The following KRABD4 variants were observed in gnomAD, a reference collection of about 807,000 sequenced individuals.
The protein encoded by KRABD4 is KRAB domain containing 4.
the KRABD4 span, among the ~76,000 whole-genome samples, chrX:46,450,949 C>T: frequency 1.8e-5 from 2 of 110,572 alleles, no homozygotes; most frequent in African/African-American, 6.6e-5. Flanking sequence ...GTGATCCCCC[C>T]ACCTCGGCCT....
At chrX:46,462,604 T>C in the KRABD4 span, 1 of 1,050,265 alleles carries the variant, frequency 9.5e-7, no homozygotes, top group Non-Finnish European at 1.3e-6. Flanking sequence ...CCTGGGTTAG[T>C]TACTTAGGCT....
At chrX:46,457,628 T>G in the KRABD4 span, among the ~76,000 whole-genome samples, 2 of 108,111 alleles carry the variant, frequency 1.8e-5, no homozygotes, top group Non-Finnish European at 3.8e-5. Context: ...TCAGAGTTTT[T>G]TTTTTTTTTT....
the KRABD4 span, among the ~76,000 whole-genome samples, chrX:46,459,174 C>A: frequency 2.7e-5 from 3 of 109,784 alleles, no homozygotes; most frequent in Admixed American, 9.7e-5. Context: ...ATTAGCCAGG[C>A]ATGGTGGCGC....
the KRABD4 span, chrX:46,450,462 T>C: frequency 1.1e-5 from 13 of 1,209,364 alleles, no homozygotes; most frequent in Non-Finnish European, 1.5e-5. Context: ...CAGAACAGGA[T>C]GGCCATGTCC....
the KRABD4 span, among the ~76,000 whole-genome samples, chrX:46,459,999 G>T: frequency 2.6e-4 from 29 of 112,255 alleles, no homozygotes; most frequent in Non-Finnish European, 4.7e-4. Flanking sequence ...TGAGATGCCA[G>T]TCACAAGTAG....
At chrX:46,465,327 G>A in the KRABD4 span, among the ~76,000 whole-genome samples, 1 of 112,446 alleles carries the variant, frequency 8.9e-6, no homozygotes, top group Non-Finnish European at 1.9e-5. Context: ...TTGGACCTGG[G>A]CAGAGGAAGG....
At chrX:46,465,717 C>T in the KRABD4 span, among the ~76,000 whole-genome samples, 3 of 111,436 alleles carry the variant, frequency 2.7e-5, no homozygotes, top group Non-Finnish European at 3.8e-5. Context: ...TTTCAGAAAG[C>T]CTGGGGTAGG....
the KRABD4 span, among the ~76,000 whole-genome samples, chrX:46,461,637 T>C: frequency 8.9e-6 from 1 of 111,800 alleles, no homozygotes; most frequent in Non-Finnish European, 1.9e-5. Flanking sequence ...TATTAGTCTT[T>C]GCAAGGAATT....
At chrX:46,472,998 A>G in the KRABD4 span, 1 of 1,211,197 alleles carries the variant, frequency 8.3e-7, no homozygotes, top group Non-Finnish European at 1.1e-6. Context: ...GAAGCTATGT[A>G]AGAAAGAAAG....
the KRABD4 span, chrX:46,455,204 C>G: frequency 9.2e-7 from 1 of 1,088,057 alleles, no homozygotes; most frequent in Non-Finnish European, 1.2e-6. Flanking sequence ...GCCTCTGAAG[C>G]TTTAAATCCC....
chrX:46,473,465 C>T, the KRABD4 span: 73 of 997,171 alleles, frequency 7.3e-5, no homozygotes, highest in Admixed American at 1.8e-4. Context: ...AGTCAACTCT[C>T]ATTAAACATC....
the KRABD4 span, among the ~76,000 whole-genome samples, chrX:46,453,738 A>C: frequency 8.9e-6 from 1 of 112,326 alleles, no homozygotes; most frequent in Non-Finnish European, 1.9e-5. Flanking sequence ...ACAGTAAAAA[A>C]GTCATACTAA....
chrX:46,455,847 A>G, the KRABD4 span: 2 of 337,786 alleles, frequency 5.9e-6, no homozygotes, highest in South Asian at 6.8e-5. Context: ...CATGAGGTAG[A>G]CCTTGAGTCA....
chrX:46,455,890 GAAGT>G, the KRABD4 span: 3 of 324,618 alleles, frequency 9.2e-6, no homozygotes, highest in Non-Finnish European at 1.7e-5. Flanking sequence ...CAAAAGTGCT[GAAGT>G]AAGTAAGGGC....
chrX:46,472,808 T>G, the KRABD4 span: 8 of 1,210,056 alleles, frequency 6.6e-6, no homozygotes, highest in African/African-American at 3.5e-5. Flanking sequence ...ACAAACTTCC[T>G]TGGCAAGCTG....
the KRABD4 span, among the ~76,000 whole-genome samples, chrX:46,463,808 G>A: frequency 9.4e-6 from 1 of 106,787 alleles, no homozygotes; most frequent in Admixed American, 1.0e-4. Flanking sequence ...TTGTTTGTTT[G>A]TTTTGAGTCA....
the KRABD4 span, among the ~76,000 whole-genome samples, chrX:46,450,783 A>G: frequency 9.7e-6 from 1 of 103,115 alleles, no homozygotes; most frequent in African/African-American, 3.6e-5. Flanking sequence ...GATCACTGCA[A>G]CCTCCACCTT....
At chrX:46,464,431 C>T in the KRABD4 span, among the ~76,000 whole-genome samples, 1 of 112,013 alleles carries the variant, frequency 8.9e-6, no homozygotes, top group Non-Finnish European at 1.9e-5. Context: ...AAGCACTGCT[C>T]GTTAGAGATT....
At chrX:46,463,139 C>T in the KRABD4 span, 1 of 1,143,560 alleles carries the variant, frequency 8.7e-7, no homozygotes, top group African/African-American at 1.8e-5. Context: ...AGGGGTGGGC[C>T]TAGGTTCTGG....
Sources: allele counts gnomAD v4.1 joint callset (sites outside exome capture counted in the v4.1 genomes callset), GRCh38; gene constraint gnomAD v4.1.1; transcripts MANE v1.5; gene names NCBI Gene and HGNC (gene_info 2026-07-23, HGNC 2026-07-21).